SLC4A4: variants seen among roughly 807,000 people sequenced by gnomAD.
The protein encoded by SLC4A4 is solute carrier family 4 member 4.
A neutral mutation model predicts 111.5 loss-of-function variants in SLC4A4; 27 were observed. The ratio of observed to expected loss-of-function variants is 0.24; its 90% CI spans 0.18 to 0.33. The LOEUF (loss-of-function observed/expected upper bound fraction) is 0.33. SLC4A4 is among the 10% of genes least tolerant of loss of function. The pLI is 1.00. For synonymous variants in SLC4A4, 443 were observed against 463.4 expected (o/e 0.96, Z 0.57); for missense variants, 909 against 1,315.5 (o/e 0.69, Z 4.78).
At chr4:71,234,064 C>A (rs1447057439) in intron 1 of SLC4A4, among the ~76,000 whole-genome samples, 1 of 152,290 alleles carries the variant, frequency 6.6e-6, no homozygotes, top group East Asian at 1.9e-4. Context: ...ACTTGCTGTT[C>A]CCTTTGCTTG....
At chr4:71,314,587 A>G (rs528543856) in intron 3 of SLC4A4, among the ~76,000 whole-genome samples, 25 of 152,346 alleles carry the variant, frequency 1.6e-4, no homozygotes, top group African/African-American at 5.1e-4. Flanking sequence ...CTGTGCAGCC[A>G]TAAAAAAGAA....
At chr4:71,362,265 A>G (rs1481060290) in intron 6 of SLC4A4, among the ~76,000 whole-genome samples, 1 of 152,194 alleles carries the variant, frequency 6.6e-6, no homozygotes, top group African/African-American at 2.4e-5. Context: ...GATCTAGACT[A>G]TGGATTTCAT....
chr4:71,072,658 C>A (rs1741700651), intron 1 of SLC4A4, among the ~76,000 whole-genome samples: 1 of 151,894 alleles, frequency 6.6e-6, no homozygotes, highest in South Asian at 2.1e-4. Context: ...ACAGTTATAG[C>A]TTTAAAGAGA....
At chr4:71,100,687 T>C (rs745595488) in intron 2 of SLC4A4, among the ~76,000 whole-genome samples, 2 of 152,220 alleles carry the variant, frequency 1.3e-5, no homozygotes, top group Non-Finnish European at 2.9e-5. Flanking sequence ...TAATACTGTA[T>C]CTAGAAAACC....
At chr4:71,079,689 T>C (rs774665496) in intron 1 of SLC4A4, among the ~76,000 whole-genome samples, 7 of 151,304 alleles carry the variant, frequency 4.6e-5, no homozygotes, top group Non-Finnish European at 1.0e-4. Context: ...GGTGGGAGGA[T>C]CACTTGAGCC....
intron 18 of SLC4A4, among the ~76,000 whole-genome samples, chr4:71,545,360 C>T (rs1300577282): frequency 6.6e-6 from 1 of 151,932 alleles, no homozygotes; most frequent in Non-Finnish European, 1.5e-5. Flanking sequence ...TAAATCACAT[C>T]CTCATTTTTT....
intron 6 of SLC4A4, among the ~76,000 whole-genome samples, chr4:71,368,517 A>G (rs979710683): frequency 5.3e-5 from 8 of 152,218 alleles, no homozygotes; most frequent in African/African-American, 1.9e-4. Context: ...TTCAGAAGTG[A>G]AAGTATGAAA....
chr4:71,435,561 G>C (rs1018426192), intron 7 of SLC4A4, among the ~76,000 whole-genome samples: 5 of 152,172 alleles, frequency 3.3e-5, no homozygotes, highest in African/African-American at 1.2e-4. Context: ...TGACAAATGG[G>C]ATCTAATTAA....
intron 3 of SLC4A4, among the ~76,000 whole-genome samples, chr4:71,296,162 G>A (rs1301835490): frequency 6.7e-6 from 1 of 150,034 alleles, no homozygotes; most frequent in Non-Finnish European, 1.5e-5. Flanking sequence ...AAATATGACT[G>A]TGTTTTTATT....
intron 6 of SLC4A4, among the ~76,000 whole-genome samples, chr4:71,359,329 G>C (rs1267893534): frequency 6.6e-6 from 1 of 152,166 alleles, no homozygotes; most frequent in Non-Finnish European, 1.5e-5. Context: ...CAGCTCTTCA[G>C]CTGATCAGCT....
chr4:71,122,467 C>T (rs2148957326), intron 2 of SLC4A4, among the ~76,000 whole-genome samples: 1 of 152,154 alleles, frequency 6.6e-6, no homozygotes, highest in South Asian at 2.1e-4. Flanking sequence ...GTGACTGATA[C>T]AGCTATGTGG....
chr4:71,520,875 GAC>G (rs1732871577), intron 16 of SLC4A4, among the ~76,000 whole-genome samples: 1 of 151,934 alleles, frequency 6.6e-6, no homozygotes, highest in African/African-American at 2.4e-5. Flanking sequence ...GGGAGAGAGA[GAC>G]GGGGTTTCAC....
chr4:71,501,418 A>G (rs898618613), intron 16 of SLC4A4, among the ~76,000 whole-genome samples: 28 of 151,656 alleles, frequency 1.8e-4, no homozygotes, highest in African/African-American at 6.8e-4. Context: ...TTCCTTTCAT[A>G]GGTTATATGT....
At chr4:71,348,578 G>A (rs1374220347) in intron 4 of SLC4A4, among the ~76,000 whole-genome samples, 3 of 152,180 alleles carry the variant, frequency 2.0e-5, no homozygotes, top group Non-Finnish European at 2.9e-5. Flanking sequence ...CACTAACATG[G>A]GAGTTGCCTG....
At chr4:71,362,891 C>T (rs992897121) in intron 6 of SLC4A4, among the ~76,000 whole-genome samples, 4 of 152,134 alleles carry the variant, frequency 2.6e-5, no homozygotes, top group African/African-American at 9.7e-5. Flanking sequence ...CCGTGGTCTC[C>T]TCCATATTTG....
chr4:71,263,075 C>T (rs1211283708), intron 3 of SLC4A4, among the ~76,000 whole-genome samples: 2 of 146,162 alleles, frequency 1.4e-5, no homozygotes, highest in Non-Finnish European at 3.0e-5. Context: ...CATGTGTTCT[C>T]GTTGTTCAAT....
chr4:71,074,942 G>C (rs879641923), intron 1 of SLC4A4, among the ~76,000 whole-genome samples: 3 of 152,180 alleles, frequency 2.0e-5, no homozygotes, highest in Non-Finnish European at 2.9e-5. Context: ...TACAGTGTCA[G>C]TGCCTCTCCT....
At chr4:71,374,827 T>A (rs1732203923) in intron 6 of SLC4A4, among the ~76,000 whole-genome samples, 1 of 152,134 alleles carries the variant, frequency 6.6e-6, no homozygotes. Context: ...TTGTGAGGAT[T>A]CAGACTTGTG....
At chr4:71,202,152 C>A (rs1426434863) in intron 1 of SLC4A4, among the ~76,000 whole-genome samples, 6 of 152,210 alleles carry the variant, frequency 3.9e-5, no homozygotes, top group African/African-American at 1.4e-4. Flanking sequence ...ATAGCATTGA[C>A]AGTTAAATTG....
Sources: gnomAD v4.1 joint callset for allele counts (sites outside exome capture counted in the v4.1 genomes callset) on GRCh38, gnomAD v4.1.1 for gene constraint, MANE v1.5 for transcripts, NCBI Gene and HGNC (gene_info 2026-07-23, HGNC 2026-07-21) for gene names.